Variants in LPA observed in about 807,000 individuals in gnomAD.
LPA encodes the protein lipoprotein(a), also known as apolipoprotein(a).
LPA carries 199 observed loss-of-function variants against 197.9 expected under a neutral mutation model. The ratio of observed to expected loss-of-function variants is 1.01; its 90% CI spans 0.90 to 1.13. LPA has a LOEUF of 1.13. Among genes scored for constraint, LPA ranks in the 50% most tolerant of loss-of-function variants. LPA has a pLI of 0.00. For missense variants in LPA, 1,853 were observed against 1,785.8 expected (o/e 1.04, Z -0.68); for synonymous variants, 715 against 639.5 (o/e 1.12, Z -1.78).
intron 30 of LPA, among the ~76,000 whole-genome samples, chr6:160,550,975 TA>T (rs2115006281): frequency 1.3e-5 from 2 of 152,326 alleles, no homozygotes; most frequent in South Asian, 2.1e-4. Flanking sequence ...TTTGGGGTTA[TA>T]AAAAATAAAG....
rs1200709517 is a variant in LPA, at chr6:160,611,414, A to T, written c.2603+148T>A. 3.4e-6 allele frequency: 5 copies of T among 1,477,564 alleles called. No homozygotes were observed. The East Asian group carries it at 9.0e-5, about 27-fold the overall frequency. 91.5% of individuals were successfully genotyped at this position (1,477,564 alleles called of 1,614,324 possible). On this transcript the variant is annotated intron_variant, in intron 16 of 38. Transcript: ENST00000316300. ...AACATTTCTCTTCTCTCAGACCCTT[A>T]GCTCCAAGGAAATCATCCTGAGACA...
chr6:160,661,426 G>T (rs577717202), intron 1 of LPA, among the ~76,000 whole-genome samples: 10 of 152,288 alleles, frequency 6.6e-5, no homozygotes, highest in African/African-American at 2.2e-4. Context: ...ACATGTGTTT[G>T]TATGCCGATG....
At chr6:160,659,578 G>T (rs1780188340) in intron 1 of LPA, among the ~76,000 whole-genome samples, 1 of 152,186 alleles carries the variant, frequency 6.6e-6, no homozygotes, top group Admixed American at 6.5e-5. Flanking sequence ...TCAGGGAAGT[G>T]GCCAGGTCCC....
At chr6:160,589,193 C>T (rs1778974614) in intron 24 of LPA, among the ~76,000 whole-genome samples, 1 of 152,214 alleles carries the variant, frequency 6.6e-6, no homozygotes, top group African/African-American at 2.4e-5. Flanking sequence ...ACCTTCACTC[C>T]AGGGCTTGGA....
intron 7 of LPA, 144 bp downstream of exon 7, chr6:160,634,979 A>G (rs111657849): frequency 0.11 from 151,543 of 1,437,480 alleles, 13,688 homozygotes; most frequent in Non-Finnish European, 0.12. Context: ...CCCAGAGAGT[A>G]CACGGAGGCT....
In LPA at chr6:160,605,040, A is replaced by G; in HGVS notation, c.2945+6T>C. On this transcript the variant is annotated splice_donor_region_variant and intron_variant, in intron 18 of 38. Transcript: ENST00000316300. ...CCTTCACTTATGGTAAAGAAAATAG[A>G]CATACGCATTTGGGTAGTATGCTGG... is the stretch of plus-strand genomic sequence containing the variant. The G allele has an allele frequency of 2.5e-6, 4 of 1,613,516 alleles. No homozygotes were observed. The highest frequency in any genetic ancestry group is 2.5e-6 in the Non-Finnish European group (3 of 1,179,732).
At chr6:160,576,656 A>T (rs1422423935) in intron 28 of LPA, among the ~76,000 whole-genome samples, 1 of 139,542 alleles carries the variant, frequency 7.2e-6, no homozygotes, top group Non-Finnish European at 1.5e-5. Context: ...ACATATATAT[A>T]AATATTCAGA....
chr6:160,601,039 G>T lies in LPA; in HGVS notation c.3005C>A (p.Thr1002Lys), dbSNP rs1779231565. 6.2e-7 allele frequency: 1 copy of T among 1,614,104 alleles called. No homozygotes were observed. Among genetic ancestry groups the T allele is most frequent in the Non-Finnish European group, 8.5e-7 (1 of 1,179,968 alleles). Residue 1002 changes from threonine (T) to lysine (K), a missense_variant, in exon 19 of 39, where the codon ACA becomes AAA. Thr to Lys is a moderately conservative substitution (Grantham distance 78, BLOSUM62 -1). This residue lies in a region of LPA where 1,737 missense variants were observed against 1,504.4 expected (regional missense o/e 1.15). Coordinates refer to ENST00000316300, the MANE Select transcript of LPA (RefSeq NM_005577.4). ...CTCCCACCTGACACTGGGATCTGTTGTATAACACCAAGGGGCTGCCACAGG... is the reference window on the plus strand; with the variant it reads ...CTCCCACCTGACACTGGGATCTGTTTTATAACACCAAGGGGCTGCCACAGG... ...PDPVAAPWCY[T>K]TDPSVRWEYC...
At chr6:160,553,936 T>TGTGTGTGTGTG (rs1562319175) in intron 30 of LPA, among the ~76,000 whole-genome samples, 1 of 114,230 alleles carries the variant, frequency 8.8e-6, no homozygotes, top group African/African-American at 4.0e-5. Flanking sequence ...TCTCTCTCTC[T>TGTGTGTGTGTG]CTGTGTGTGT....
intron 16 of LPA, among the ~76,000 whole-genome samples, chr6:160,609,353 C>A (rs1355559138): frequency 6.6e-6 from 1 of 152,044 alleles, no homozygotes; most frequent in Non-Finnish European, 1.5e-5. Flanking sequence ...TAATAATATT[C>A]CCTGGTATCT....
chr6:160,577,994 A>T (rs2115031649), intron 27 of LPA, among the ~76,000 whole-genome samples: 1 of 152,306 alleles, frequency 6.6e-6, no homozygotes, highest in Admixed American at 6.5e-5. Flanking sequence ...AGAGCCTGTG[A>T]AAGACTGAGA....
chr6:160,571,369 G>A (rs1778558817), intron 28 of LPA, among the ~76,000 whole-genome samples: 1 of 152,128 alleles, frequency 6.6e-6, no homozygotes, highest in African/African-American at 2.4e-5. Flanking sequence ...ACCCACTTGA[G>A]GAGGCAGTCT....
intron 29 of LPA, 93 bp downstream of exon 29, chr6:160,557,297 G>GCATC: frequency 6.9e-7 from 1 of 1,441,062 alleles, no homozygotes. Context: ...TCAAGTTTCT[G>GCATC]TGTAGCATGG....
At chr6:160,558,225 T>C (rs1217053761) in intron 28 of LPA, among the ~76,000 whole-genome samples, 2 of 152,092 alleles carry the variant, frequency 1.3e-5, no homozygotes, top group Non-Finnish European at 2.9e-5. Flanking sequence ...GGCCTTAGAT[T>C]TTTTTAATGC....
chr6:160,663,827 T>C (rs1780265102), intron 1 of LPA, among the ~76,000 whole-genome samples: 1 of 152,202 alleles, frequency 6.6e-6, no homozygotes, highest in Non-Finnish European at 1.5e-5. Flanking sequence ...TATAAATTAA[T>C]GAAACTGAGA....
chr6:160,571,477 C>T (rs2115024754), intron 28 of LPA, among the ~76,000 whole-genome samples: 1 of 152,280 alleles, frequency 6.6e-6, no homozygotes, highest in African/African-American at 2.4e-5. Context: ...CACTCACAGC[C>T]ACCCCTTCCT....
chr6:160,601,455 T>C (rs1779241178), intron 18 of LPA, among the ~76,000 whole-genome samples: 3 of 152,166 alleles, frequency 2.0e-5, no homozygotes, highest in Admixed American at 2.0e-4. Context: ...TATTGTGGAA[T>C]TGGTTATGCA....
Position 160,548,526 on chromosome 6 carries a change from G to A in LPA, c.5107C>T (p.Pro1703Ser), listed in dbSNP as rs549728571. 1.9e-6 allele frequency: 3 copies of A among 1,614,050 alleles called. No individual in the cohort carries two copies. The highest frequency in any genetic ancestry group is 3.3e-5 in the Admixed American group (2 of 60,020). ...CSDTEGTVVA[P>S]PTVIQVPSLG... is the part of the protein sequence containing the mutation. ...CTTGGAACCTGGATGACAGTCGGAGGAGCGACCACAGTCCCTTCTGTGTCT... is the reference window on the plus strand; with the variant it reads ...CTTGGAACCTGGATGACAGTCGGAGAAGCGACCACAGTCCCTTCTGTGTCT... Residue 1703 changes from proline to serine, a missense_variant, in exon 31 of 39, where the codon CCT (proline) becomes TCT (serine). Pro to Ser is a moderately conservative substitution (Grantham distance 74). Transcript: ENST00000316300.
chr6:160,648,881 T>C (rs1779953776), intron 2 of LPA, among the ~76,000 whole-genome samples: 1 of 152,222 alleles, frequency 6.6e-6, no homozygotes, highest in Admixed American at 6.5e-5. Context: ...TCTAATCATT[T>C]CTGTCTCTTC....
Sources: gnomAD v4.1 joint callset for allele counts (sites outside exome capture counted in the v4.1 genomes callset) on GRCh38, gnomAD v4.1.1 for gene constraint, gnomAD v4.1.1 regional missense constraint, MANE v1.5 for transcripts, NCBI Gene and HGNC (gene_info 2026-07-23, HGNC 2026-07-21) for gene names.